Variants in RNGTT observed in about 807,000 individuals in gnomAD.
The protein encoded by RNGTT is mRNA-capping enzyme.
RNGTT carries 33 observed loss-of-function variants against 79.3 expected under a neutral mutation model. That is an observed-to-expected ratio of 0.42 (90% CI 0.32 to 0.56). The LOEUF (loss-of-function observed/expected upper bound fraction) is 0.56. Among genes scored for constraint, RNGTT ranks in the 20% least tolerant of loss-of-function variants. The pLI is 0.17. For synonymous variants in RNGTT, 222 were observed against 235.9 expected, an observed-to-expected ratio of 0.94 and a Z score of 0.54; for missense variants, 497 against 739.1, an observed-to-expected ratio of 0.67 and a Z score of 3.80.
intron 13 of RNGTT, among the ~76,000 whole-genome samples, chr6:88,726,009 C>CAGAG (rs370743130): frequency 1.3e-5 from 2 of 148,948 alleles, no homozygotes; most frequent in Non-Finnish European, 1.5e-5. Context: ...AAGAGGAAAT[C>CAGAG]AGAGAGAGAG....
chr6:88,922,441 T>C (rs1279828777), intron 4 of RNGTT, among the ~76,000 whole-genome samples: 1 of 152,138 alleles, frequency 6.6e-6, no homozygotes, highest in Non-Finnish European at 1.5e-5. Flanking sequence ...ATGATTACCA[T>C]GCAATAATTA....
intron 2 of RNGTT, among the ~76,000 whole-genome samples, chr6:88,940,245 AT>A (rs1179184010): frequency 4.6e-5 from 7 of 151,616 alleles, no homozygotes; most frequent in African/African-American, 1.7e-4. Context: ...TGCCTGGCTA[AT>A]TTTTGTATTT....
chr6:88,760,529 T>C (rs1476105804), intron 13 of RNGTT, among the ~76,000 whole-genome samples: 2 of 152,112 alleles, frequency 1.3e-5, no homozygotes, highest in Non-Finnish European at 2.9e-5. Flanking sequence ...TGCTAAATAA[T>C]AAAAATAGCT....
At chr6:88,694,247 C>G (rs1052812430) in intron 13 of RNGTT, among the ~76,000 whole-genome samples, 4 of 152,044 alleles carry the variant, frequency 2.6e-5, no homozygotes, top group Non-Finnish European at 5.9e-5. Flanking sequence ...AACTAATAAA[C>G]AAATACAGTC....
At chr6:88,758,376 A>G (rs1778091407) in intron 13 of RNGTT, among the ~76,000 whole-genome samples, 2 of 152,200 alleles carry the variant, frequency 1.3e-5, no homozygotes, top group Non-Finnish European at 2.9e-5. Flanking sequence ...ACTAACGCTC[A>G]ACCAAGAAGG....
At chr6:88,937,280 G>C (rs1219712195) in intron 2 of RNGTT, among the ~76,000 whole-genome samples, 1 of 151,986 alleles carries the variant, frequency 6.6e-6, no homozygotes, top group Admixed American at 6.6e-5. Flanking sequence ...TGGGAGTGGA[G>C]GTCACAGTGA....
At chr6:88,660,170 G>A (rs527837825) in intron 14 of RNGTT, among the ~76,000 whole-genome samples, 8 of 152,034 alleles carry the variant, frequency 5.3e-5, no homozygotes, top group African/African-American at 1.2e-4. Flanking sequence ...TTAAAACCTC[G>A]AAATGCACCA....
At chr6:88,831,839 A>G (rs960411542) in intron 11 of RNGTT, among the ~76,000 whole-genome samples, 9 of 152,222 alleles carry the variant, frequency 5.9e-5, no homozygotes, top group Non-Finnish European at 1.2e-4. Flanking sequence ...CCCATTCACA[A>G]TTGCTACAAA....
rs536944450 is a variant in RNGTT, at chr6:88,818,662, A to C, written c.1270-17030T>G. Among the ~76,000 whole-genome samples the C allele has an allele frequency of 5.9e-5, 9 of 152,368 alleles. No homozygotes were observed. In the South Asian group the frequency reaches 1.9e-3, roughly 32 times the overall value. ...TGAATGCACAGTTACTGATAAAATA[A>C]GGCTATGAAATTAACTACCAATTCA... is the stretch of plus-strand genomic sequence containing the variant. On this transcript the variant is annotated intron_variant, in intron 11 of 15. Transcript: ENST00000369485.
intron 11 of RNGTT, among the ~76,000 whole-genome samples, chr6:88,802,224 TTG>T (rs1373401126): frequency 2.0e-5 from 3 of 152,082 alleles, no homozygotes; most frequent in Admixed American, 6.5e-5. Context: ...CATAAATACA[TTG>T]TGTTTTCCAA....
At chr6:88,906,714 A>C (rs1783666202) in intron 4 of RNGTT, among the ~76,000 whole-genome samples, 1 of 152,210 alleles carries the variant, frequency 6.6e-6, no homozygotes, top group Admixed American at 6.5e-5. Context: ...TAAAGCTAGA[A>C]GATTCCAAGC....
chr6:88,753,456 T>C (rs575020547), intron 13 of RNGTT, among the ~76,000 whole-genome samples: 2 of 151,886 alleles, frequency 1.3e-5, no homozygotes, highest in East Asian at 3.9e-4. Context: ...GTGAGCTGTG[T>C]TCACACCACT....
At chr6:88,953,629 G>A (rs545177791) in intron 1 of RNGTT, among the ~76,000 whole-genome samples, 2 of 152,222 alleles carry the variant, frequency 1.3e-5, no homozygotes, top group East Asian at 3.9e-4. Context: ...AGAACACCTA[G>A]GAAATTCATC....
At chr6:88,713,946 C>A (rs984607193) in intron 13 of RNGTT, among the ~76,000 whole-genome samples, 1 of 152,072 alleles carries the variant, frequency 6.6e-6, no homozygotes, top group Admixed American at 6.6e-5. Context: ...GTTACGGGCA[C>A]GGTCTATTGG....
intron 6 of RNGTT, among the ~76,000 whole-genome samples, chr6:88,900,171 G>C (rs550352078): frequency 3.4e-5 from 5 of 148,272 alleles, no homozygotes; most frequent in Admixed American, 3.3e-4. Flanking sequence ...ATATCAAAAG[G>C]ACACGAGAAA....
At chr6:88,757,656 T>G (rs762936197) in intron 13 of RNGTT, among the ~76,000 whole-genome samples, 18 of 152,192 alleles carry the variant, frequency 1.2e-4, no homozygotes, top group Non-Finnish European at 1.8e-4. Context: ...TAGACAAGAT[T>G]AACAAAATGT....
At chr6:88,744,835 A>G (rs1024399695) in intron 13 of RNGTT, among the ~76,000 whole-genome samples, 3 of 152,170 alleles carry the variant, frequency 2.0e-5, no homozygotes, top group African/African-American at 7.2e-5. Context: ...GATAAATTTC[A>G]AGTATTTGGG....
chr6:88,609,951 TA>T lies in RNGTT; in HGVS notation c.*2767del, dbSNP rs757774631. On this transcript the variant is annotated 3_prime_UTR_variant, in exon 16 of 16. Transcript: ENST00000369485. The stretch of plus-strand genomic sequence containing the variant: ...AGTATTCTAAAAAATTTAAATGCAT[TA>T]AAAATAATGTAACAGAATATCTACT... Among the ~76,000 whole-genome samples the T allele has an allele frequency of 1.3e-4, 20 of 152,190 alleles. No homozygotes were observed. The highest frequency in any genetic ancestry group is 2.6e-4 in the Non-Finnish European group (18 of 68,036).
chr6:88,732,723 A>G (rs768222512), intron 13 of RNGTT, among the ~76,000 whole-genome samples: 22 of 152,222 alleles, frequency 1.4e-4, no homozygotes, highest in Non-Finnish European at 2.8e-4. Context: ...AACCTTGAGG[A>G]TATTATGCTA....
Sources: gnomAD v4.1 joint callset for allele counts (sites outside exome capture counted in the v4.1 genomes callset) on GRCh38, gnomAD v4.1.1 for gene constraint, MANE v1.5 for transcripts, NCBI Gene and HGNC (gene_info 2026-07-23, HGNC 2026-07-21) for gene names.